The following BMAL1 variants were observed in gnomAD, a reference collection of about 807,000 sequenced individuals.
BMAL1 encodes basic helix-loop-helix ARNT-like protein 1.
chr11:13,336,485 C>T, the BMAL1 span, among the ~76,000 whole-genome samples: 1 of 152,076 alleles, frequency 6.6e-6, no homozygotes, highest in East Asian at 1.9e-4. Context: ...TGAGGCTTCT[C>T]GTGGGGGCAA....
the BMAL1 span, among the ~76,000 whole-genome samples, chr11:13,280,930 C>T: frequency 1.9e-4 from 29 of 152,216 alleles, no homozygotes; most frequent in Non-Finnish European, 3.7e-4. Flanking sequence ...TGCCTGGGCT[C>T]TGGTGGCAGA....
At chr11:13,337,109 C>G in the BMAL1 span, among the ~76,000 whole-genome samples, 2 of 152,190 alleles carry the variant, frequency 1.3e-5, no homozygotes, top group African/African-American at 4.8e-5. Flanking sequence ...TAGCTACTAT[C>G]AGCATTTTGG....
chr11:13,378,452 A>C, the BMAL1 span: 2 of 1,607,884 alleles, frequency 1.2e-6, no homozygotes, highest in Admixed American at 3.4e-5. Context: ...ACAGGCAAGT[A>C]ACACCTTCTA....
At chr11:13,323,417 C>T in the BMAL1 span, among the ~76,000 whole-genome samples, 18 of 152,134 alleles carry the variant, frequency 1.2e-4, no homozygotes, top group African/African-American at 4.3e-4. Context: ...CATAACTAAA[C>T]AGAAGTCTTG....
chr11:13,354,207 A>AACCCCCCCCCCC, the BMAL1 span: 1 of 205,816 alleles, frequency 4.9e-6, no homozygotes, highest in Non-Finnish European at 7.6e-6. Context: ...CCGGCCCCCC[A>AACCCCCCCCCCC]CCACCAAACC....
the BMAL1 span, among the ~76,000 whole-genome samples, chr11:13,284,188 ATATATGTGTGTATATATATATGTG>A: frequency 0.031 from 2,089 of 68,150 alleles, 222 homozygotes; most frequent in East Asian, 0.074. Context: ...GTGTATATAT[ATATATGTGTGTATATATATATGTG>A]TATATATATA....
chr11:13,333,768 A>T, the BMAL1 span, among the ~76,000 whole-genome samples: 1 of 152,188 alleles, frequency 6.6e-6, no homozygotes, highest in Non-Finnish European at 1.5e-5. Flanking sequence ...CTGACCGCAG[A>T]TCTGCCTTTT....
the BMAL1 span, among the ~76,000 whole-genome samples, chr11:13,364,768 A>AT: frequency 5.9e-5 from 9 of 152,060 alleles, no homozygotes; most frequent in Admixed American, 2.6e-4. Flanking sequence ...GAACATTTAG[A>AT]TTTTTTCCTG....
chr11:13,284,196 GTGTA>G, the BMAL1 span, among the ~76,000 whole-genome samples: 619 of 30,260 alleles, frequency 0.02, 84 homozygotes, highest in African/African-American at 0.084. Context: ...ATATATATGT[GTGTA>G]TATATATATG....
the BMAL1 span, among the ~76,000 whole-genome samples, chr11:13,359,635 A>T: frequency 3.9e-5 from 6 of 152,138 alleles, no homozygotes; most frequent in Non-Finnish European, 8.8e-5. Flanking sequence ...ATTGTTACAG[A>T]TCCATTTCCT....
the BMAL1 span, among the ~76,000 whole-genome samples, chr11:13,358,050 G>A: frequency 2.0e-5 from 3 of 152,178 alleles, no homozygotes; most frequent in Admixed American, 6.6e-5. Flanking sequence ...GACAGCCCAC[G>A]GGGCTCTGGA....
At chr11:13,378,223 A>C in the BMAL1 span, 2 of 1,369,022 alleles carry the variant, frequency 1.5e-6, no homozygotes, top group African/African-American at 1.5e-5. Context: ...CTCAAGGCAC[A>C]ACTCTGATGT....
chr11:13,283,367 A>G, the BMAL1 span, among the ~76,000 whole-genome samples: 2 of 152,224 alleles, frequency 1.3e-5, no homozygotes, highest in Non-Finnish European at 2.9e-5. Context: ...AGCAGCTAAC[A>G]TTTATTGAAC....
At chr11:13,385,618 T>C in the BMAL1 span, 1 of 1,106,868 alleles carries the variant, frequency 9.0e-7, no homozygotes, top group East Asian at 2.4e-5. Flanking sequence ...CCCCACCCCA[T>C]GCTTCATTTT....
the BMAL1 span, among the ~76,000 whole-genome samples, chr11:13,303,484 T>C: frequency 6.6e-6 from 1 of 152,146 alleles, no homozygotes; most frequent in African/African-American, 2.4e-5. Context: ...AAGGCCTCAT[T>C]GAGAGTACAA....
chr11:13,342,093 G>A, the BMAL1 span, among the ~76,000 whole-genome samples: 2 of 152,224 alleles, frequency 1.3e-5, no homozygotes, highest in African/African-American at 4.8e-5. Flanking sequence ...GCAGCACCTG[G>A]GAGATCTTTG....
chr11:13,316,707 C>G, the BMAL1 span, among the ~76,000 whole-genome samples: 1 of 152,214 alleles, frequency 6.6e-6, no homozygotes, highest in South Asian at 2.1e-4. Context: ...TCAACTGACT[C>G]ATACTGTTTT....
the BMAL1 span, among the ~76,000 whole-genome samples, chr11:13,301,863 G>T: frequency 3.9e-5 from 6 of 152,228 alleles, no homozygotes; most frequent in African/African-American, 1.4e-4. Flanking sequence ...AGGAAGCTAA[G>T]ATAAATAGCA....
chr11:13,284,980 G>T, the BMAL1 span, among the ~76,000 whole-genome samples: 1 of 151,952 alleles, frequency 6.6e-6, no homozygotes, highest in Admixed American at 6.6e-5. Flanking sequence ...TCCTCCCTAG[G>T]CCACCTCACT....
Sources: gnomAD v4.1 joint callset for allele counts (sites outside exome capture counted in the v4.1 genomes callset) on GRCh38, gnomAD v4.1.1 for gene constraint, MANE v1.5 for transcripts, NCBI Gene and HGNC (gene_info 2026-07-23, HGNC 2026-07-21) for gene names.